The following TTC23 variants were observed in gnomAD, a reference collection of about 807,000 sequenced individuals.
TTC23 encodes the protein tetratricopeptide repeat protein 23.
TTC23 carries 58 observed loss-of-function variants against 55.1 expected under a neutral mutation model. The ratio of observed to expected loss-of-function variants is 1.05; its 90% CI spans 0.85 to 1.31. The LOEUF is 1.31. TTC23 is among the 50% of genes most tolerant of loss of function. The pLI is 0.00. For missense variants in TTC23, 516 were observed against 534.4 expected (o/e 0.97, Z 0.34); for synonymous variants, 203 against 199.9 (o/e 1.02, Z -0.13).
In TTC23 at chr15:99,186,402, C is replaced by T. The variant is rs1205346700; in HGVS notation, c.760-11247G>A. Among the ~76,000 whole-genome samples, 3 of 152,140 alleles carry T rather than the reference C, an allele frequency of 2.0e-5. No homozygotes were observed. In the East Asian group the frequency reaches 5.8e-4, roughly 29 times the overall value. On this transcript the variant is annotated intron_variant, in intron 9 of 13. Coordinates refer to ENST00000394132, the MANE Select transcript of TTC23 (RefSeq NM_001288615.3). ...TAATAATCTGCAGTTAGTTTTAAAACACTCTCTAATCTTTTTTAACCTCAA... is the reference window on the plus strand; with the variant it reads ...TAATAATCTGCAGTTAGTTTTAAAATACTCTCTAATCTTTTTTAACCTCAA...
chr15:99,169,495 A>G (rs1329398661), intron 10 of TTC23, among the ~76,000 whole-genome samples: 1 of 152,176 alleles, frequency 6.6e-6, no homozygotes, highest in Non-Finnish European at 1.5e-5. Flanking sequence ...TCAGGGGCCC[A>G]CAAGACCTAG....
chr15:99,216,052 T>C (rs1031985432), intron 8 of TTC23, among the ~76,000 whole-genome samples: 2 of 152,150 alleles, frequency 1.3e-5, no homozygotes, highest in Admixed American at 1.3e-4. Context: ...TAAGAAGATA[T>C]GAGGCTGCTA....
intron 8 of TTC23, among the ~76,000 whole-genome samples, chr15:99,215,600 G>A (rs1399975747): frequency 1.3e-5 from 2 of 152,050 alleles, no homozygotes; most frequent in Admixed American, 6.6e-5. Flanking sequence ...CAAAAAGTTA[G>A]CTGGGTGTGG....
chr15:99,234,574 A>G (rs2079166493), intron 4 of TTC23, among the ~76,000 whole-genome samples: 2 of 151,954 alleles, frequency 1.3e-5, no homozygotes, highest in Admixed American at 6.6e-5. Context: ...GGGTTTCACC[A>G]TATTAGCCAG....
chr15:99,201,008 G>C lies in TTC23; in HGVS notation c.582-912C>G, dbSNP rs373566768. Reference sequence around the variant, plus strand: ...ATATCATCTCAGGCATGTGAAAACTGTATATCTAATTTGCATGTACACATA... The same window carrying C: ...ATATCATCTCAGGCATGTGAAAACTCTATATCTAATTTGCATGTACACATA... On this transcript the variant is annotated intron_variant, in intron 8 of 13. Transcript: ENST00000394132. Among the ~76,000 whole-genome samples, 15 of 152,304 alleles carry C rather than the reference G, an allele frequency of 9.8e-5. No individual in the cohort carries two copies. In the East Asian group the frequency reaches 2.3e-3, roughly 23 times the overall value.
rs764546086 is a variant in TTC23, at chr15:99,175,067, C to T, written c.848G>A (p.Gly283Glu). 6.2e-7 allele frequency: 1 copy of T among 1,614,092 alleles called. No individual in the cohort carries two copies. ...HIVAHAAVASGRHEHHDVAEQ... is the reference protein window; with the variant it reads ...HIVAHAAVASERHEHHDVAEQ... Reference sequence around the variant, plus strand: ...CTTCTCACCATGGTGCTCGTGTCTCCCTGAAGCGACAGCAGCATGGGCGAC... The same window carrying T: ...CTTCTCACCATGGTGCTCGTGTCTCTCTGAAGCGACAGCAGCATGGGCGAC... The change falls in exon 10 of 14, where the codon GGG becomes GAG. Residue 283 changes from glycine to glutamate, a missense_variant. By Grantham distance (98) the Gly-to-Glu change is moderately conservative. Coordinates refer to ENST00000394132, the MANE Select transcript of TTC23 (RefSeq NM_001288615.3).
intron 12 of TTC23, among the ~76,000 whole-genome samples, chr15:99,147,203 C>T (rs185669291): frequency 2.1e-5 from 3 of 145,764 alleles, no homozygotes; most frequent in East Asian, 2.0e-4. Context: ...TGAGCCACAG[C>T]GCTGGGCCTC....
intron 10 of TTC23, among the ~76,000 whole-genome samples, chr15:99,168,752 TGGG>T (rs2072503683): frequency 6.6e-6 from 1 of 152,074 alleles, no homozygotes; most frequent in African/African-American, 2.4e-5. Flanking sequence ...CAAACTTGGG[TGGG>T]GAACAGGCCT....
chr15:99,174,904 C>T, intron 10 of TTC23, 146 bp downstream of exon 10: 1 of 630,142 alleles, frequency 1.6e-6, no homozygotes, highest in Middle Eastern at 4.3e-4. Context: ...AGCAGAGTAG[C>T]ATAGGGGCAG....
At chr15:99,216,607 G>GCTA (rs1458811710) in intron 8 of TTC23, among the ~76,000 whole-genome samples, 1 of 152,136 alleles carries the variant, frequency 6.6e-6, no homozygotes. Context: ...ATCCCAAGTG[G>GCTA]CTAAGTCGTA....
At chr15:99,153,161 G>A (rs1555497842) in intron 12 of TTC23, among the ~76,000 whole-genome samples, 1 of 152,220 alleles carries the variant, frequency 6.6e-6, no homozygotes, top group African/African-American at 2.4e-5. Flanking sequence ...GCCACCCTCA[G>A]CTTCCGTCTC....
intron 12 of TTC23, chr15:99,139,794 CTACTT>C: frequency 8.0e-7 from 1 of 1,255,318 alleles, no homozygotes; most frequent in Admixed American, 2.4e-5. Context: ...AACACATACT[CTACTT>C]TTATTAATAT....
At chr15:99,205,312 T>C (rs1205800053) in intron 8 of TTC23, among the ~76,000 whole-genome samples, 1 of 148,716 alleles carries the variant, frequency 6.7e-6, no homozygotes, top group Non-Finnish European at 1.5e-5. Context: ...AACTTTAGGA[T>C]TTTTTTTTTC....
intron 8 of TTC23, among the ~76,000 whole-genome samples, chr15:99,203,728 T>G (rs1325678416): frequency 6.6e-6 from 1 of 151,836 alleles, no homozygotes; most frequent in Non-Finnish European, 1.5e-5. Context: ...TCTTTTTAGC[T>G]CCTACATTTG....
chr15:99,173,411 T>C (rs953773233), intron 10 of TTC23, among the ~76,000 whole-genome samples: 1 of 152,132 alleles, frequency 6.6e-6, no homozygotes, highest in African/African-American at 2.4e-5. Context: ...GGCAAGACTC[T>C]GTCTTTAAAA....
chr15:99,170,850 T>C (rs2072828655), intron 10 of TTC23, among the ~76,000 whole-genome samples: 2 of 152,232 alleles, frequency 1.3e-5, no homozygotes, highest in African/African-American at 4.8e-5. Flanking sequence ...TTTCTGCTTC[T>C]AGAGGGAAGC....
At chr15:99,185,011 T>C (rs2074532748) in intron 9 of TTC23, among the ~76,000 whole-genome samples, 1 of 152,178 alleles carries the variant, frequency 6.6e-6, no homozygotes, top group Non-Finnish European at 1.5e-5. Context: ...CTGCTGGCTC[T>C]GTGAACAGGT....
At chr15:99,221,927 A>C in intron 5 of TTC23, 63 bp from the exon 6 acceptor site, 1 of 1,585,252 alleles carries the variant, frequency 6.3e-7, no homozygotes, top group South Asian at 1.1e-5. Context: ...ACACAAAATC[A>C]ATGCGCTTTT....
intron 12 of TTC23, chr15:99,139,839 C>T: frequency 3.0e-6 from 3 of 1,007,614 alleles, no homozygotes; most frequent in Non-Finnish European, 4.0e-6. Flanking sequence ...GACTACACAG[C>T]AATGTCTTAG....
Sources: gnomAD v4.1 joint callset for allele counts (sites outside exome capture counted in the v4.1 genomes callset) on GRCh38, gnomAD v4.1.1 for gene constraint, MANE v1.5 for transcripts, NCBI Gene and HGNC (gene_info 2026-07-23, HGNC 2026-07-21) for gene names.